Variants in YBX3 observed in about 807,000 individuals in gnomAD.
YBX3 encodes the protein Y-box binding protein 3, also known as Y-box-binding protein 3.
In YBX3, 29 loss-of-function variants were observed where a neutral mutation model predicts 42.4. The ratio of observed to expected loss-of-function variants is 0.68; its 90% CI spans 0.51 to 0.93. YBX3 has a LOEUF of 0.93. Ranked by LOEUF, YBX3 falls within the 40% of genes least tolerant of loss-of-function variation. The pLI, the probability that YBX3 is intolerant of heterozygous loss-of-function variation, is 0.00. For missense variants in YBX3, 517 were observed against 527.5 expected, an observed-to-expected ratio of 0.98 and a Z score of 0.19; for synonymous variants, 195 against 189.8, an observed-to-expected ratio of 1.03 and a Z score of -0.22.
chr12:10,704,073 T>C lies in YBX3; in HGVS notation c.856A>G (p.Thr286Ala), dbSNP rs114117963. ...TACCTACGGTACCTTGGGCGGTAAG[T>C]TGGATTTCGATGAACCGGTCCCTGA... ...QLQGPVHRNP[T>A]YRPRYRSRGP... The change falls in exon 7 of 10, where the codon ACT becomes GCT. Residue 286 changes from threonine to alanine, a missense_variant. By Grantham distance (58) the Thr-to-Ala change is moderately conservative. Around this residue, in one of 3 missense-constraint regions of YBX3, gnomAD observed 420 missense variants for 408.5 expected, o/e 1.03. Transcript: ENST00000228251. 3.3e-4 allele frequency: 526 copies of C among 1,614,148 alleles called. No individual in the cohort carries two copies. In the African/African-American group the frequency reaches 3.5e-3, roughly 11 times the overall value.
rs568187822 is a variant in YBX3 at position 10,715,766 on chromosome 12, A to T, written c.378T>A (p.Asn126Lys). ...CACTGCGCAGATATTTCCGTGGGTT[A>T]TTCTTCTTGATGGCAGTCTGGAAAG... is the stretch of plus-strand genomic sequence containing the variant. ...VFVHQTAIKKNNPRKYLRSVG... is the reference protein window; with the variant it reads ...VFVHQTAIKKKNPRKYLRSVG... Residue 126 changes from asparagine to lysine, a missense_variant, in exon 4 of 10, where the codon AAT (asparagine) becomes AAA (lysine). Asn to Lys is a moderately conservative substitution (Grantham distance 94, BLOSUM62 0). This residue lies in a region of YBX3 where 420 missense variants were observed against 408.5 expected (regional missense o/e 1.03). Coordinates refer to ENST00000228251, the MANE Select transcript of YBX3 (RefSeq NM_003651.5). The T allele has an allele frequency of 1.2e-6, 2 of 1,614,016 alleles. No individual in the cohort carries two copies. The highest frequency in any genetic ancestry group is 1.1e-5 in the South Asian group (1 of 91,076).
chr12:10,713,834 G>A (rs1235356981), intron 4 of YBX3, among the ~76,000 whole-genome samples: 1 of 152,184 alleles, frequency 6.6e-6, no homozygotes, highest in Non-Finnish European at 1.5e-5. Context: ...CAAGAAGAAA[G>A]GGTCTTTGAT....
At chr12:10,718,944 A>G in intron 2 of YBX3, 136 bp downstream of exon 2, 1 of 697,474 alleles carries the variant, frequency 1.4e-6, no homozygotes, top group Non-Finnish European at 2.4e-6. Flanking sequence ...CCAGTAGCTT[A>G]GAAATGAGAA....
chr12:10,717,906 T>C (rs1024433480), intron 3 of YBX3, 182 bp downstream of exon 3: 2 of 450,972 alleles, frequency 4.4e-6, no homozygotes, highest in Non-Finnish European at 7.8e-6. Context: ...GTTAATATGA[T>C]GGGGTAGAAG....
chr12:10,718,227 T>C (rs1024488848), intron 2 of YBX3, 106 bp from the exon 3 acceptor site: 1 of 979,564 alleles, frequency 1.0e-6, no homozygotes. Context: ...AAACACAACA[T>C]ATATTTTCAC....
At chr12:10,717,974 GA>G in intron 3 of YBX3, 113 bp downstream of exon 3, 1 of 858,490 alleles carries the variant, frequency 1.2e-6, no homozygotes, top group Non-Finnish European at 1.7e-6. Flanking sequence ...ATAAATCACA[GA>G]AAGAGTTTAG....
chr12:10,704,608 T>C (rs1948117235), intron 6 of YBX3, among the ~76,000 whole-genome samples: 1 of 149,154 alleles, frequency 6.7e-6, no homozygotes, highest in Admixed American at 6.7e-5. Flanking sequence ...AACTCAACTT[T>C]CTTTTCTTTT....
intron 7 of YBX3, 111 bp downstream of exon 7, chr12:10,703,940 T>C (rs540480605): frequency 2.0e-6 from 2 of 1,015,318 alleles, no homozygotes; most frequent in African/African-American, 3.1e-5. Context: ...AGTCAAAGCA[T>C]TCACATCTTC....
At chr12:10,715,862 A>C (rs1198464589) in intron 3 of YBX3, 79 bp from the exon 4 acceptor site, 12 of 1,206,464 alleles carry the variant, frequency 9.9e-6, no homozygotes, top group Non-Finnish European at 1.3e-5. Context: ...AGTACACCAG[A>C]GTGAACTTGA....
Position 10,709,926 on chromosome 12 carries a change from G to A in YBX3, c.762C>T (p.Pro254=). Residue 254 remains proline (P), a synonymous_variant, in exon 6 of 10, where the codon CCC becomes CCT. Coordinates refer to ENST00000228251, the MANE Select transcript of YBX3 (RefSeq NM_003651.5). The stretch of plus-strand genomic sequence containing the variant: ...ATTTTACCTGTATTCTGTTGGGATG[G>A]GGTAAGACCCGTGAGCGACGGTCAA... The part of the protein sequence containing the change: ...QTFDRRSRVL[P]HPNRIQAGEI... The A allele has an allele frequency of 1.9e-6, 3 of 1,614,032 alleles. No individual in the cohort carries two copies. Among genetic ancestry groups the A allele is most frequent in the Non-Finnish European group, 2.5e-6 (3 of 1,180,038 alleles).
rs1948112457 is a variant in YBX3 at position 10,704,155 on chromosome 12, A to G, written c.781-7T>C. The G allele has an allele frequency of 1.2e-6, 2 of 1,612,352 alleles. No homozygotes were observed. The highest frequency in any genetic ancestry group is 2.7e-5 in the African/African-American group (2 of 74,910). ...TCTCTCCAATCTCACCAGCCTGGAG[A>G]GGCAATGAGAGCTGACAGTGAGTGT... is the stretch of plus-strand genomic sequence containing the variant. On this transcript the variant is annotated splice_region_variant and splice_polypyrimidine_tract_variant and intron_variant, in intron 6 of 9. Transcript: ENST00000228251.
rs1228717264 is a variant in YBX3 at position 10,701,948 on chromosome 12, G to A, written c.1053+12C>T. 4 of 1,609,032 alleles carry A rather than the reference G, an allele frequency of 2.5e-6. No homozygotes were observed. Among genetic ancestry groups the A allele is most frequent in the Admixed American group, 3.4e-5 (2 of 59,558 alleles). On this transcript the variant is annotated intron_variant, in intron 8 of 9. Coordinates refer to ENST00000228251, the MANE Select transcript of YBX3 (RefSeq NM_003651.5). ...CTATCTGGCAACATCCGCCCTGACT[G>A]GTTGGATTTACCTCTTTGCCATCTT...
chr12:10,704,159 AAT>A lies in YBX3; in HGVS notation c.781-13_781-12del. 1 of 1,608,568 alleles carries A rather than the reference AAT, an allele frequency of 6.2e-7. No individual in the cohort carries two copies. Among genetic ancestry groups the A allele is most frequent in the Non-Finnish European group, 8.5e-7 (1 of 1,174,880 alleles). ...TCCAATCTCACCAGCCTGGAGAGGC[AAT>A]GAGAGCTGACAGTGAGTGTCACAGC... On this transcript the variant is annotated splice_polypyrimidine_tract_variant and intron_variant, in intron 6 of 9. Transcript: ENST00000228251.
At chr12:10,715,671 A>C (rs371625521) in intron 4 of YBX3, 23 bp downstream of exon 4, 24 of 1,600,962 alleles carry the variant, frequency 1.5e-5, no homozygotes, top group Non-Finnish European at 2.0e-5. Context: ...GCACTTTGAT[A>C]CCCAACCACA....
At chr12:10,707,027 T>A (rs993701269) in intron 6 of YBX3, among the ~76,000 whole-genome samples, 4 of 151,542 alleles carry the variant, frequency 2.6e-5, no homozygotes, top group African/African-American at 9.7e-5. Context: ...AAAAAATAAA[T>A]AAATAAATAA....
intron 4 of YBX3, among the ~76,000 whole-genome samples, chr12:10,714,272 A>G (rs1345541640): frequency 1.3e-5 from 2 of 152,228 alleles, no homozygotes; most frequent in Admixed American, 6.5e-5. Flanking sequence ...ATGGAATGGT[A>G]TATGTGTATA....
At chr12:10,713,522 C>T (rs1274301771) in intron 4 of YBX3, among the ~76,000 whole-genome samples, 189 bp from the exon 5 acceptor site, 1 of 152,194 alleles carries the variant, frequency 6.6e-6, no homozygotes, top group African/African-American at 2.4e-5. Context: ...ACATATATGG[C>T]TTGTTTGCTC....
chr12:10,708,075 AAAGT>A (rs1298013813), intron 6 of YBX3, among the ~76,000 whole-genome samples: 14 of 152,228 alleles, frequency 9.2e-5, no homozygotes, highest in East Asian at 3.8e-4. Flanking sequence ...AGAGACAACT[AAAGT>A]AAGAACCGAT....
At position 10,715,375 on chromosome 12, in the gene YBX3, G is replaced by T. The variant is rs931254344; in HGVS notation, c.450+319C>A. ...AGCCTGGCCAACATGGTGAAACCCC[G>T]TCTCTACTAAAAATACAAAAATTAG... On this transcript the variant is annotated intron_variant, in intron 4 of 9. Coordinates refer to ENST00000228251, the MANE Select transcript of YBX3 (RefSeq NM_003651.5). 2.6e-5 allele frequency among the ~76,000 whole-genome samples: 4 copies of T among 151,618 alleles called. No homozygotes were observed. The South Asian group carries it at 8.4e-4, about 32-fold the overall frequency.
Sources: allele counts gnomAD v4.1 joint callset (sites outside exome capture counted in the v4.1 genomes callset), GRCh38; gene constraint gnomAD v4.1.1; regional missense constraint gnomAD v4.1.1; transcripts MANE v1.5; gene names NCBI Gene and HGNC (gene_info 2026-07-23, HGNC 2026-07-21).